Variants in FMN1 observed in about 807,000 individuals in gnomAD.
FMN1 encodes formin 1, also known as formin-1.
In FMN1, 110 loss-of-function variants were observed where a neutral mutation model predicts 132.4. That is an observed-to-expected ratio of 0.83 (90% CI 0.71 to 0.97). The LOEUF (loss-of-function observed/expected upper bound fraction) is 0.97. Among genes scored for constraint, FMN1 ranks in the 50% least tolerant of loss-of-function variants. The pLI, the probability that FMN1 is intolerant of heterozygous loss-of-function variation, is 0.00. For missense variants in FMN1, 1,792 were observed against 1,705.3 expected (o/e 1.05, Z -0.90); for synonymous variants, 722 against 651.7 (o/e 1.11, Z -1.64).
chr15:33,043,460 G>T (rs759684067), intron 6 of FMN1, among the ~76,000 whole-genome samples: 1 of 152,142 alleles, frequency 6.6e-6, no homozygotes, highest in Non-Finnish European at 1.5e-5. Flanking sequence ...GCCTTTTGCC[G>T]TCTATAACTC....
intron 12 of FMN1, among the ~76,000 whole-genome samples, chr15:32,907,474 C>T: frequency 6.6e-6 from 1 of 152,182 alleles, no homozygotes; most frequent in South Asian, 2.1e-4. Flanking sequence ...CGGCTTGTCT[C>T]TCACTCACCT....
At chr15:32,852,245 T>C (rs901604745) in intron 17 of FMN1, among the ~76,000 whole-genome samples, 6 of 152,206 alleles carry the variant, frequency 3.9e-5, no homozygotes, top group Non-Finnish European at 8.8e-5. Context: ...CAACCAGTTA[T>C]CCAAGCAAGA....
intron 9 of FMN1, among the ~76,000 whole-genome samples, chr15:32,929,980 A>ATT (rs2061065762): frequency 3.2e-5 from 4 of 126,182 alleles, no homozygotes; most frequent in Admixed American, 8.1e-5. Context: ...TCTATTTTTA[A>ATT]ATTTTTTTTT....
rs200081244 is a variant in FMN1, at chr15:32,969,139, G to C, written c.2562C>G (p.Leu854=). Residue 854 remains leucine (L), a synonymous_variant, in exon 8 of 21, where the codon CTC becomes CTG. Transcript: ENST00000616417. The part of the protein sequence containing the change: ...PNDHKDIHAA[L]QPMEGMASNQ... ...TTGATGCCATGCCCTCCATTGGCTG[G>C]AGTGCTGCATGGATGTCTTTGTGGT... 1.3e-4 allele frequency: 213 copies of C among 1,613,908 alleles called. 2 individuals are homozygous for C. The Middle Eastern group carries it at 9.1e-3, about 69-fold the overall frequency.
chr15:32,803,829 G>A (rs190377898), intron 18 of FMN1, among the ~76,000 whole-genome samples: 69 of 152,316 alleles, frequency 4.5e-4, no homozygotes, highest in African/African-American at 1.4e-3. Flanking sequence ...GTCATGACAC[G>A]CATGTGAGGC....
intron 7 of FMN1, among the ~76,000 whole-genome samples, chr15:33,002,679 T>C (rs1468108445): frequency 6.6e-6 from 1 of 152,190 alleles, no homozygotes; most frequent in Non-Finnish European, 1.5e-5. Context: ...AGAAAATAAG[T>C]CCTTTGGTGC....
intron 16 of FMN1, among the ~76,000 whole-genome samples, chr15:32,878,774 C>A (rs754071551): frequency 6.6e-6 from 1 of 152,130 alleles, no homozygotes. Context: ...GGACTTCTGA[C>A]CCAGACTTTT....
chr15:32,858,894 A>T (rs768779974), intron 16 of FMN1, among the ~76,000 whole-genome samples: 62 of 152,294 alleles, frequency 4.1e-4, no homozygotes, highest in Admixed American at 1.4e-3. Context: ...TCTGTGGCCA[A>T]ATGGTAAGTA....
intron 6 of FMN1, among the ~76,000 whole-genome samples, chr15:33,020,476 C>T (rs930279784): frequency 3.3e-5 from 5 of 151,930 alleles, no homozygotes; most frequent in Non-Finnish European, 5.9e-5. Flanking sequence ...GGTGAAACCC[C>T]GTCTCTACTA....
chr15:32,827,519 AT>A (rs752887418), intron 17 of FMN1, among the ~76,000 whole-genome samples: 1 of 152,176 alleles, frequency 6.6e-6, no homozygotes, highest in South Asian at 2.1e-4. Context: ...ATCATTTCAC[AT>A]TATTGTCTTG....
chr15:32,890,460 T>G (rs945171251), intron 15 of FMN1, among the ~76,000 whole-genome samples: 6 of 152,196 alleles, frequency 3.9e-5, no homozygotes, highest in African/African-American at 1.4e-4. Flanking sequence ...ATTATGGCCA[T>G]TCTTGCAGGA....
intron 19 of FMN1, among the ~76,000 whole-genome samples, chr15:32,787,814 C>A (rs939098550): frequency 6.6e-6 from 1 of 152,080 alleles, no homozygotes; most frequent in Non-Finnish European, 1.5e-5. Context: ...CCACTGCATT[C>A]TAGCCTGGGC....
rs370054277 is a variant in FMN1, at chr15:33,042,991, T to C, written c.2161+21966A>G. ...ATAATGGAAGCGAAATCTAAACATA[T>C]GCGTGTATATTTAAATACAGACAGT... On this transcript the variant is annotated intron_variant, in intron 6 of 20. Coordinates refer to ENST00000616417, the MANE Select transcript of FMN1 (RefSeq NM_001277313.2). Among the ~76,000 whole-genome samples, 16 of 152,218 alleles carry C rather than the reference T, an allele frequency of 1.1e-4. No homozygotes were observed. In the East Asian group the frequency reaches 2.3e-3, roughly 22 times the overall value.
chr15:32,859,970 C>G (rs567588574), intron 16 of FMN1, among the ~76,000 whole-genome samples: 1 of 151,686 alleles, frequency 6.6e-6, no homozygotes, highest in South Asian at 2.1e-4. Context: ...CCCAGGAGTT[C>G]GAGGCTGCAG....
At chr15:32,883,509 C>CAAAAAAAAAAAAA (rs60737133) in intron 16 of FMN1, among the ~76,000 whole-genome samples, 9 of 25,922 alleles carry the variant, frequency 3.5e-4, no homozygotes, top group East Asian at 1.8e-3. Context: ...GAACCTATCT[C>CAAAAAAAAAAAAA]AAAAAAAAAA....
At chr15:33,102,331 G>T (rs995781588) in intron 4 of FMN1, among the ~76,000 whole-genome samples, 2 of 152,114 alleles carry the variant, frequency 1.3e-5, no homozygotes, top group African/African-American at 4.8e-5. Flanking sequence ...ATGTGCTAGG[G>T]AGGGATGTAA....
intron 15 of FMN1, among the ~76,000 whole-genome samples, chr15:32,893,736 T>C (rs544998224): frequency 6.6e-6 from 1 of 152,374 alleles, no homozygotes; most frequent in East Asian, 1.9e-4. Flanking sequence ...GGCTTATTTT[T>C]CCTAGACTGG....
At chr15:32,923,025 G>A (rs940341660) in intron 10 of FMN1, among the ~76,000 whole-genome samples, 2 of 152,216 alleles carry the variant, frequency 1.3e-5, no homozygotes, top group Non-Finnish European at 2.9e-5. Context: ...TCTCCTCTAA[G>A]TGAATATACT....
At chr15:32,888,069 C>T (rs2059936566) in intron 16 of FMN1, 103 bp downstream of exon 16, 2 of 995,454 alleles carry the variant, frequency 2.0e-6, no homozygotes, top group Non-Finnish European at 2.8e-6. Context: ...TTGCTGAACT[C>T]TGCACCAATC....
Sources: allele counts gnomAD v4.1 joint callset (sites outside exome capture counted in the v4.1 genomes callset), GRCh38; gene constraint gnomAD v4.1.1; transcripts MANE v1.5; gene names NCBI Gene and HGNC (gene_info 2026-07-23, HGNC 2026-07-21).